The following STAU2 variants were observed in gnomAD, a reference collection of about 807,000 sequenced individuals.
The protein encoded by STAU2 is double-stranded RNA-binding protein Staufen homolog 2.
In STAU2, 20 loss-of-function variants were observed where a neutral mutation model predicts 65.9. That is an observed-to-expected ratio of 0.30 (90% CI 0.21 to 0.44). The LOEUF (loss-of-function observed/expected upper bound fraction) is 0.44. Among genes scored for constraint, STAU2 ranks in the 20% least tolerant of loss-of-function variants. STAU2 has a pLI of 1.00. For synonymous variants in STAU2, 232 were observed against 233.9 expected (o/e 0.99, Z 0.07); for missense variants, 558 against 683.9 (o/e 0.82, Z 2.05).
At chr8:73,443,373 A>G (rs1226878786) in intron 13 of STAU2, among the ~76,000 whole-genome samples, 1 of 152,254 alleles carries the variant, frequency 6.6e-6, no homozygotes, top group Non-Finnish European at 1.5e-5. Flanking sequence ...AGCTAGTATT[A>G]TTAGCCAAAT....
intron 13 of STAU2, among the ~76,000 whole-genome samples, chr8:73,424,120 T>C (rs1816613922): frequency 6.8e-6 from 1 of 147,364 alleles, no homozygotes; most frequent in Non-Finnish European, 1.5e-5. Context: ...TTTTGCCATA[T>C]AGCAGTTGGG....
chr8:73,708,056 G>C (rs60032712), intron 4 of STAU2, among the ~76,000 whole-genome samples: 11,000 of 152,296 alleles, frequency 0.072, 436 homozygotes, highest in Middle Eastern at 0.14. Flanking sequence ...AGGACATATA[G>C]CTGGAAAGGT....
upstream of STAU2, chr8:73,747,259 C>T: frequency 8.7e-7 from 1 of 1,143,610 alleles, no homozygotes; most frequent in Non-Finnish European, 1.2e-6. Context: ...ACTCCCCGCC[C>T]CCTCGTCTGC....
At chr8:73,520,962 C>T (rs1823007884) in intron 13 of STAU2, among the ~76,000 whole-genome samples, 1 of 152,146 alleles carries the variant, frequency 6.6e-6, no homozygotes, top group African/African-American at 2.4e-5. Flanking sequence ...GGCTGATACA[C>T]TCCATTAGAC....
intron 12 of STAU2, among the ~76,000 whole-genome samples, chr8:73,566,335 G>A (rs1047048702): frequency 2.0e-5 from 3 of 152,144 alleles, no homozygotes; most frequent in African/African-American, 7.2e-5. Flanking sequence ...TGTCACTGAT[G>A]TAATAATAGT....
At chr8:73,480,094 T>C (rs1820530307) in intron 13 of STAU2, among the ~76,000 whole-genome samples, 3 of 152,104 alleles carry the variant, frequency 2.0e-5, no homozygotes, top group Admixed American at 1.3e-4. Context: ...GTCTACAGAA[T>C]AGAGTTCAAA....
chr8:73,448,764 C>A (rs983710971), intron 13 of STAU2, among the ~76,000 whole-genome samples: 11 of 152,218 alleles, frequency 7.2e-5, no homozygotes, highest in Non-Finnish European at 1.5e-4. Flanking sequence ...GACAGAGCAA[C>A]GACAATCCAG....
At chr8:73,542,976 A>T (rs1205114588) in intron 13 of STAU2, among the ~76,000 whole-genome samples, 2 of 152,190 alleles carry the variant, frequency 1.3e-5, no homozygotes, top group African/African-American at 2.4e-5. Flanking sequence ...AAATATTGTA[A>T]ATCAATGTTC....
chr8:73,599,921 C>T (rs1811505471), intron 10 of STAU2, among the ~76,000 whole-genome samples: 1 of 152,310 alleles, frequency 6.6e-6, no homozygotes, highest in South Asian at 2.1e-4. Flanking sequence ...GTGCCCACCA[C>T]CATGTCCGGC....
intron 5 of STAU2, among the ~76,000 whole-genome samples, chr8:73,678,695 T>G (rs1226935918): frequency 1.3e-5 from 2 of 152,232 alleles, no homozygotes; most frequent in African/African-American, 4.8e-5. Flanking sequence ...GGTATGCTAC[T>G]AATGATCAAC....
chr8:73,700,550 A>G (rs371795019), intron 4 of STAU2, among the ~76,000 whole-genome samples: 130 of 152,244 alleles, frequency 8.5e-4, no homozygotes, highest in African/African-American at 3.0e-3. Context: ...AAAGAAATCA[A>G]AAAAGTAATC....
chr8:73,677,889 T>C (rs1448919755), intron 5 of STAU2, among the ~76,000 whole-genome samples: 1 of 152,192 alleles, frequency 6.6e-6, no homozygotes, highest in African/African-American at 2.4e-5. Context: ...TCAGACACTC[T>C]CCTGTTTCCT....
intron 5 of STAU2, among the ~76,000 whole-genome samples, chr8:73,681,599 C>CA (rs1470064561): frequency 1.3e-5 from 2 of 152,078 alleles, no homozygotes; most frequent in Non-Finnish European, 2.9e-5. Flanking sequence ...ACAACTAGCA[C>CA]AATGGATAGA....
chr8:73,650,437 A>G (rs907040870), intron 6 of STAU2, among the ~76,000 whole-genome samples: 26 of 152,228 alleles, frequency 1.7e-4, no homozygotes, highest in Admixed American at 9.2e-4. Context: ...ATGTGTGTGG[A>G]TGTAGGTATG....
At chr8:73,661,278 C>T (rs1243971893) in intron 6 of STAU2, among the ~76,000 whole-genome samples, 1 of 152,146 alleles carries the variant, frequency 6.6e-6, no homozygotes, top group African/African-American at 2.4e-5. Context: ...CTGAACCAGC[C>T]TATCATTCTG....
At chr8:73,630,768 A>G (rs1006860937) in intron 6 of STAU2, among the ~76,000 whole-genome samples, 2 of 152,126 alleles carry the variant, frequency 1.3e-5, no homozygotes, top group African/African-American at 4.8e-5. Context: ...CTGTGTCAGA[A>G]CATAGTAGCC....
intron 13 of STAU2, among the ~76,000 whole-genome samples, chr8:73,510,052 A>G (rs4571726): frequency 0.048 from 7,313 of 152,162 alleles, 315 homozygotes; most frequent in Admixed American, 0.14. Flanking sequence ...CTTTAATTGG[A>G]AAGTATATTT....
At chr8:73,734,245 T>C (rs947987511) in intron 3 of STAU2, among the ~76,000 whole-genome samples, 21 of 150,094 alleles carry the variant, frequency 1.4e-4, no homozygotes, top group Non-Finnish European at 1.5e-5. Flanking sequence ...TTTTTTTTTT[T>C]TTTGCTTATC....
At chr8:73,518,303 C>G (rs528015158) in intron 13 of STAU2, among the ~76,000 whole-genome samples, 3 of 152,124 alleles carry the variant, frequency 2.0e-5, no homozygotes, top group Non-Finnish European at 2.9e-5. Context: ...TCTGAATAAC[C>G]ATGTTTAAGG....
Sources: allele counts gnomAD v4.1 joint callset (sites outside exome capture counted in the v4.1 genomes callset), GRCh38; gene constraint gnomAD v4.1.1; transcripts MANE v1.5; gene names NCBI Gene and HGNC (gene_info 2026-07-23, HGNC 2026-07-21).